SHE: variants seen among roughly 807,000 people sequenced by gnomAD.
The protein encoded by SHE is Src homology 2 domain containing E.
In SHE, 11 loss-of-function variants were observed where a neutral mutation model predicts 49.8. The ratio of observed to expected loss-of-function variants is 0.22; its 90% confidence interval spans 0.14 to 0.37. SHE has a LOEUF of 0.37. Ranked by LOEUF, SHE falls within the 10% of genes least tolerant of loss-of-function variation. The probability of loss-of-function intolerance (pLI) is 1.00; values close to 1 mark genes in which losing one functional copy is unlikely to be tolerated. For synonymous variants in SHE, 310 were observed against 278.1 expected (o/e 1.11, Z -1.14); for missense variants, 624 against 655.5 (o/e 0.95, Z 0.52).
chr1:154,480,052 G>A lies in SHE; in HGVS notation c.*4097C>T, dbSNP rs4359028. On this transcript the variant is annotated 3_prime_UTR_variant, in exon 6 of 6. Coordinates refer to ENST00000304760, the MANE Select transcript of SHE (RefSeq NM_001010846.3). ...CATCTCTCTTCACACAGGGTCAGCG[G>A]TGGAGGGTAAGTTGAACAGAAGGCC... 2,251 of 985,502 alleles carry A rather than the reference G, an allele frequency of 2.3e-3. 40 individuals carry two copies. The African/African-American group carries it at 0.036, about 16-fold the overall frequency. 61.0% of individuals were successfully genotyped at this position (985,502 alleles called of 1,614,324 possible).
intron 2 of SHE, among the ~76,000 whole-genome samples, chr1:154,489,582 A>G (rs1245674021): frequency 6.6e-6 from 1 of 152,242 alleles, no homozygotes; most frequent in Non-Finnish European, 1.5e-5. Context: ...CAGTTGCCTG[A>G]GTCAGATAAT....
intron 2 of SHE, among the ~76,000 whole-genome samples, chr1:154,497,808 G>C (rs1397842848): frequency 6.6e-6 from 1 of 151,864 alleles, no homozygotes. Flanking sequence ...AGCCTCCTGA[G>C]CATCTGGAAT....
At position 154,501,332 on chromosome 1, in the gene SHE, AACCTATCCTC is replaced by A. The variant is rs1362859864; in HGVS notation, c.591+94_591+103del. The A allele has an allele frequency of 9.8e-5, 104 of 1,056,756 alleles. No homozygotes were observed. The East Asian group carries it at 2.4e-3, about 24-fold the overall frequency. The allele number at this position is 1,056,756 out of a possible 1,614,324, so 65.5% of individuals were successfully genotyped here. The stretch of plus-strand genomic sequence containing the variant: ...GGTGGAGGGAGAAAGGACCTTAGGA[AACCTATCCTC>A]ACTGCCTCTTAGGTCTAAAGAAGCC... On this transcript the variant is annotated intron_variant, in intron 1 of 5. Transcript: ENST00000304760.
downstream of SHE, among the ~76,000 whole-genome samples, chr1:154,476,373 G>A (rs6668811): frequency 3.5e-3 from 535 of 152,190 alleles, 3 homozygotes; most frequent in Middle Eastern, 0.014. Context: ...GGCCGAGCAC[G>A]GTGGTTCATG....
intron 5 of SHE, chr1:154,484,752 A>C (rs1177618600): frequency 6.5e-6 from 1 of 154,808 alleles, no homozygotes; most frequent in Non-Finnish European, 1.4e-5. Flanking sequence ...ACTTGAGGTC[A>C]GGAGTTCAAG....
chr1:154,501,420 G>A lies in SHE; in HGVS notation c.591+16C>T. 1 of 1,612,418 alleles carries A rather than the reference G, an allele frequency of 6.2e-7. No individual in the cohort carries two copies. The highest frequency in any genetic ancestry group is 8.5e-7 in the Non-Finnish European group (1 of 1,178,820). On this transcript the variant is annotated intron_variant, in intron 1 of 5. Transcript: ENST00000304760. ...CCTTCGACTGAGAGGTGGTCCAAGG[G>A]AGGCTGTATTCTTACCGTCTCTTGC...
chr1:154,492,236 T>TCA (rs143048132), intron 2 of SHE, among the ~76,000 whole-genome samples: 1,981 of 152,242 alleles, frequency 0.013, 37 homozygotes, highest in African/African-American at 0.045. Flanking sequence ...CCGCGGGCTT[T>TCA]CACACACACT....
At chr1:154,479,180 A>G (rs1691956987), downstream of SHE, among the ~76,000 whole-genome samples, 1 of 152,198 alleles carries the variant, frequency 6.6e-6, no homozygotes, top group Non-Finnish European at 1.5e-5. Flanking sequence ...CAAATCTTCT[A>G]TCTAGTGAGG....
Position 154,483,501 on chromosome 1 carries a change from G to A in SHE, c.*648C>T. The A allele has an allele frequency of 1.0e-6, 1 of 985,384 alleles. No homozygotes were observed. The highest frequency in any genetic ancestry group is 1.1e-4 in the East Asian group (1 of 8,816). 61.0% of individuals were successfully genotyped at this position (985,384 alleles called of 1,614,324 possible). The stretch of plus-strand genomic sequence containing the variant: ...GTTTGTTTAGAGACCAGGTATTCCA[G>A]GTAACAAGTAGGCACATTTCTAGAG... On this transcript the variant is annotated 3_prime_UTR_variant, in exon 6 of 6. Transcript: ENST00000304760.
intron 3 of SHE, 104 bp from the exon 4 acceptor site, chr1:154,486,787 T>G: frequency 7.4e-7 from 1 of 1,346,914 alleles, no homozygotes; most frequent in Non-Finnish European, 1.0e-6. Flanking sequence ...AAAGAAGCAT[T>G]TTCCCCCTTT....
At chr1:154,486,212 C>CA in intron 4 of SHE, 150 bp from the exon 5 acceptor site, 1 of 1,124,578 alleles carries the variant, frequency 8.9e-7, no homozygotes, top group East Asian at 2.5e-5. Flanking sequence ...TCAGAACAGA[C>CA]AAAATGCAGA....
intron 5 of SHE, chr1:154,484,648 G>A (rs965190585): frequency 3.9e-6 from 1 of 255,650 alleles, no homozygotes; most frequent in Non-Finnish European, 7.6e-6. Context: ...GCCCAAGCAC[G>A]AGGCTACTAA....
At chr1:154,499,295 T>C (rs746051100) in intron 1 of SHE, 57 bp from the exon 2 acceptor site, 197 of 1,565,946 alleles carry the variant, frequency 1.3e-4, no homozygotes, top group Non-Finnish European at 1.6e-4. Flanking sequence ...AAAATGGCAA[T>C]GGTATCAAAA....
chr1:154,495,715 G>A (rs1009979019), intron 2 of SHE, among the ~76,000 whole-genome samples: 4 of 143,794 alleles, frequency 2.8e-5, no homozygotes, highest in African/African-American at 1.0e-4. Flanking sequence ...CAGAGCTCAG[G>A]ACAGGGCCTA....
intron 2 of SHE, among the ~76,000 whole-genome samples, chr1:154,498,420 C>T (rs1692606297): frequency 9.0e-6 from 1 of 111,556 alleles, no homozygotes; most frequent in African/African-American, 3.6e-5. Context: ...CTTTTTGAGA[C>T]AGGGTCTTGC....
chr1:154,487,874 A>G (rs1336236541), intron 3 of SHE, among the ~76,000 whole-genome samples: 1 of 151,506 alleles, frequency 6.6e-6, no homozygotes, highest in Non-Finnish European at 1.5e-5. Flanking sequence ...AAAAAAGAAA[A>G]AAACTGACTC....
intron 1 of SHE, among the ~76,000 whole-genome samples, chr1:154,471,648 T>C (rs1446107643): frequency 6.6e-6 from 1 of 151,860 alleles, no homozygotes; most frequent in Non-Finnish European, 1.5e-5. Flanking sequence ...TTGATGACAA[T>C]CCACAACTTG....
chr1:154,501,177 C>T (rs1308340102), intron 1 of SHE, among the ~76,000 whole-genome samples: 1 of 152,182 alleles, frequency 6.6e-6, no homozygotes, highest in Non-Finnish European at 1.5e-5. Flanking sequence ...TCTCATTCAA[C>T]GACTCTTCTA....
At position 154,481,090 on chromosome 1, in the gene SHE, C is replaced by T; in HGVS notation, c.*3059G>A. 2 of 985,390 alleles carry T rather than the reference C, an allele frequency of 2.0e-6. No homozygotes were observed. Among genetic ancestry groups the T allele is most frequent in the Non-Finnish European group, 2.4e-6 (2 of 829,924 alleles). 61.0% of individuals were successfully genotyped at this position (985,390 alleles called of 1,614,324 possible). On this transcript the variant is annotated 3_prime_UTR_variant, in exon 6 of 6. Coordinates refer to ENST00000304760, the MANE Select transcript of SHE (RefSeq NM_001010846.3). ...TGTCTCAAGACAAAATGACAAAAAG[C>T]CAGAGCATTCAGAGCTCAGAGAACA...
Sources: gnomAD v4.1 joint callset for allele counts (sites outside exome capture counted in the v4.1 genomes callset) on GRCh38, gnomAD v4.1.1 for gene constraint, MANE v1.5 for transcripts, NCBI Gene and HGNC (gene_info 2026-07-23, HGNC 2026-07-21) for gene names.